Variants in STARD5 observed in about 807,000 individuals in gnomAD.
STARD5 encodes the protein StAR related lipid transfer domain containing 5.
STARD5 carries 26 observed loss-of-function variants against 24.6 expected under a neutral mutation model. The observed-to-expected ratio is 1.06, with a 90% CI of 0.77 to 1.47. The LOEUF (loss-of-function observed/expected upper bound fraction) is 1.47, where lower values mean the gene tolerates loss of function less well. Ranked by LOEUF, STARD5 falls within the 40% of genes most tolerant of loss-of-function variation. The pLI is 0.00. For synonymous variants in STARD5, 101 were observed against 99.7 expected, an observed-to-expected ratio of 1.01 and a Z score of -0.07; for missense variants, 254 against 270.8, an observed-to-expected ratio of 0.94 and a Z score of 0.44.
intron 3 of STARD5, among the ~76,000 whole-genome samples, chr15:81,320,286 G>A (rs1056454481): frequency 2.0e-5 from 3 of 152,204 alleles, no homozygotes; most frequent in African/African-American, 7.2e-5. Flanking sequence ...GTGTGTTGCT[G>A]CAGAACTTTT....
intron 3 of STARD5, among the ~76,000 whole-genome samples, chr15:81,321,753 A>G (rs1254932594): frequency 6.6e-6 from 1 of 152,222 alleles, no homozygotes; most frequent in Non-Finnish European, 1.5e-5. Flanking sequence ...GCTATGTGGA[A>G]TGGAAATTTG....
chr15:81,322,972 G>A (rs767246556), intron 1 of STARD5, 24 bp from the exon 2 acceptor site: 2 of 1,613,802 alleles, frequency 1.2e-6, no homozygotes, highest in Admixed American at 3.3e-5. Context: ...CAGAACCACA[G>A]AATTTTAGAG....
chr15:81,320,502 T>C (rs560049327), intron 3 of STARD5, among the ~76,000 whole-genome samples: 2 of 152,282 alleles, frequency 1.3e-5, no homozygotes, highest in African/African-American at 4.8e-5. Context: ...GCACAGCATA[T>C]GCCCATTCAT....
chr15:81,322,688 C>T (rs1596072724), intron 2 of STARD5, 148 bp from the exon 3 acceptor site: 17 of 1,364,460 alleles, frequency 1.2e-5, no homozygotes, highest in Non-Finnish European at 1.7e-5. Flanking sequence ...GTCACTAGCC[C>T]CGCCTCCCTT....
intron 1 of STARD5, chr15:81,323,767 G>T: frequency 1.4e-6 from 1 of 719,348 alleles, no homozygotes; most frequent in Non-Finnish European, 2.4e-6. Context: ...AGGTGACCTT[G>T]GGCAAGTCAC....
At chr15:81,317,262 A>G (rs568589283) in intron 5 of STARD5, among the ~76,000 whole-genome samples, 1 of 140,370 alleles carries the variant, frequency 7.1e-6, no homozygotes, top group African/African-American at 2.8e-5. Flanking sequence ...GCTACCCATT[A>G]TATTGTGCAT....
intron 3 of STARD5, among the ~76,000 whole-genome samples, chr15:81,320,099 C>T (rs1901166393): frequency 6.6e-6 from 1 of 152,198 alleles, no homozygotes; most frequent in Non-Finnish European, 1.5e-5. Context: ...GGCTTTCTCC[C>T]ATTCATCCCA....
intron 4 of STARD5, among the ~76,000 whole-genome samples, chr15:81,319,018 C>T (rs983829181): frequency 5.3e-5 from 8 of 151,962 alleles, no homozygotes; most frequent in African/African-American, 1.9e-4. Context: ...GAAGACACGG[C>T]CATAGATTTT....
rs777520199 is a variant in STARD5 at position 81,313,349 on chromosome 15, G to GT, written c.548dup (p.Tyr183Ter). The GT allele has an allele frequency of 2.5e-5, 39 of 1,582,334 alleles. No homozygotes were observed. The Admixed American group carries it at 7.0e-4, about 28-fold the overall frequency. Residue 183 changes from tyrosine (Y) to a stop codon, truncating the protein, a stop_gained and frameshift_variant, in exon 6 of 6, where the codon TAC (tyrosine) becomes TAAC (stop). Coordinates refer to ENST00000302824, the MANE Select transcript of STARD5 (RefSeq NM_181900.3). LOFTEE classifies it high-confidence loss of function. ...AGGAGTCCACCACGTTCTGTGGGAG[G>GT]TAACCGCTGAGGTCGGTATGGAAGA... ...VTFFHTDLSG[Y>*]LPQNVVDSFF...
At chr15:81,315,620 C>T (rs1403505474) in intron 5 of STARD5, among the ~76,000 whole-genome samples, 1 of 152,142 alleles carries the variant, frequency 6.6e-6, no homozygotes, top group Non-Finnish European at 1.5e-5. Flanking sequence ...CAGGCTCCTC[C>T]ACCTTAAGAA....
In STARD5 at chr15:81,311,347, A is replaced by G. The variant is rs1431608869; in HGVS notation, c.*1909T>C. 6.6e-6 allele frequency: 1 copy of G among 152,220 alleles called. No individual in the cohort carries two copies. Among genetic ancestry groups the G allele is most frequent in the Non-Finnish European group, 1.5e-5 (1 of 68,044 alleles). The allele number at this position is 152,220 out of a possible 1,614,324, so 9.4% of individuals were successfully genotyped here. On this transcript the variant is annotated 3_prime_UTR_variant, in exon 6 of 6. Transcript: ENST00000302824. ...CACTCAAGAAGCAGGCTACACTGAC[A>G]CTGGTATTCCTGCCTCCATATTTTC...
At chr15:81,313,518 G>A (rs747389916) in intron 5 of STARD5, 115 bp from the exon 6 acceptor site, 25 of 1,031,474 alleles carry the variant, frequency 2.4e-5, no homozygotes, top group Non-Finnish European at 3.2e-5. Flanking sequence ...CAGTGATCGC[G>A]TCTCATCCCT....
Position 81,323,917 on chromosome 15 carries a change from G to T in STARD5, c.99+84C>A, listed in dbSNP as rs562298423. The stretch of plus-strand genomic sequence containing the variant: ...GGATTGGGGAGCAGAAAACAACGGG[G>T]AGAGGAGGCGCTTGGGGGCTTCTGG... On this transcript the variant is annotated intron_variant, in intron 1 of 5. Transcript: ENST00000302824. 8.6e-6 allele frequency: 12 copies of T among 1,388,628 alleles called. No individual in the cohort carries two copies. In the South Asian group the frequency reaches 1.2e-4, roughly 14 times the overall value. The allele number at this position is 1,388,628 out of a possible 1,614,324, so 86.0% of individuals were successfully genotyped here.
intron 3 of STARD5, among the ~76,000 whole-genome samples, chr15:81,320,747 G>GAA (rs201192068): frequency 1.3e-5 from 2 of 150,122 alleles, no homozygotes; most frequent in African/African-American, 4.9e-5. Flanking sequence ...TGAAAATTTT[G>GAA]AAAAAAAAAT....
chr15:81,313,401 TC>T lies in STARD5; in HGVS notation c.496del (p.Glu166AsnfsTer32). 1 of 1,543,244 alleles carries T rather than the reference TC, an allele frequency of 6.5e-7. No individual in the cohort carries two copies. The highest frequency in any genetic ancestry group is 8.8e-7 in the Non-Finnish European group (1 of 1,142,684). On this transcript the variant is annotated frameshift_variant and splice_region_variant, in exon 6 of 6. Transcript: ENST00000302824. LOFTEE classifies it high-confidence loss of function. ...CGCFCEPLPG[E>X]PTKTNLVTFF... ...TGTGACCAGGTTGGTCTTGGTGGGT[TC>T]CCTGTGAAGGCAACAGCAGAGCTGT... is the stretch of plus-strand genomic sequence containing the variant.
At chr15:81,319,802 T>A (rs550415241) in intron 3 of STARD5, among the ~76,000 whole-genome samples, 65 of 152,222 alleles carry the variant, frequency 4.3e-4, no homozygotes, top group African/African-American at 1.5e-3. Flanking sequence ...GAAATAGGAA[T>A]CATTAATCCC....
chr15:81,317,785 G>C (rs1345306935), intron 5 of STARD5, among the ~76,000 whole-genome samples: 2 of 152,124 alleles, frequency 1.3e-5, no homozygotes, highest in East Asian at 3.9e-4. Flanking sequence ...GTAAACAAGG[G>C]ACCTTCAGGT....
Position 81,322,559 on chromosome 15 carries a change from T to C in STARD5, c.150-19A>G, listed in dbSNP as rs1179747452. The C allele has an allele frequency of 1.2e-6, 2 of 1,614,022 alleles. No homozygotes were observed. The highest frequency in any genetic ancestry group is 1.7e-6 in the Non-Finnish European group (2 of 1,179,960). ...TCGGTACCTGGAGCACGAAAAGGAA[T>C]TTGACCCCAACGCATCAATCAAACT... On this transcript the variant is annotated intron_variant, in intron 2 of 5. Transcript: ENST00000302824.
At chr15:81,322,703 C>G (rs1893313898) in intron 2 of STARD5, 163 bp from the exon 3 acceptor site, 6 of 1,317,302 alleles carry the variant, frequency 4.6e-6, no homozygotes, top group Non-Finnish European at 6.4e-6. Flanking sequence ...TCCCTTCAGG[C>G]CTGCAGAAAT....
Sources: gnomAD v4.1 joint callset for allele counts (sites outside exome capture counted in the v4.1 genomes callset) on GRCh38, gnomAD v4.1.1 for gene constraint, MANE v1.5 for transcripts, NCBI Gene and HGNC (gene_info 2026-07-23, HGNC 2026-07-21) for gene names.